VAC14: variants seen among roughly 807,000 people sequenced by gnomAD.
The protein encoded by VAC14 is VAC14 component of PIKFYVE complex.
VAC14 carries 47 observed loss-of-function variants against 85.3 expected under a neutral mutation model. That is an observed-to-expected ratio of 0.55 (90% CI 0.44 to 0.70). VAC14 has a LOEUF of 0.70. VAC14 is among the 30% of genes least tolerant of loss of function. VAC14 has a pLI of 0.00. For synonymous variants in VAC14, 447 were observed against 430.5 expected (o/e 1.04, Z -0.47); for missense variants, 861 against 1,004.3 (o/e 0.86, Z 1.93).
chr16:70,688,042 G>A lies in VAC14; in HGVS notation c.2235C>T (p.Ser745=). Reference sequence around the variant, plus strand: ...GCTGCAGCAGCTCTGCGTAGTCGATGCTAGGGGAGTCAGCTTTCTGGGACT... The same window carrying A: ...GCTGCAGCAGCTCTGCGTAGTCGATACTAGGGGAGTCAGCTTTCTGGGACT... ...APKSQKADSP[S]IDYAELLQHF... is the part of the protein sequence containing the mutation. The change falls in exon 19 of 19, where the codon AGC becomes AGT. Residue 745 remains serine, a synonymous_variant. Coordinates refer to ENST00000261776, the MANE Select transcript of VAC14 (RefSeq NM_018052.5). The A allele has an allele frequency of 1.9e-6, 3 of 1,600,538 alleles. No individual in the cohort carries two copies. Among genetic ancestry groups the A allele is most frequent in the African/African-American group, 2.7e-5 (2 of 74,438 alleles).
rs759726155 is a variant in VAC14 at position 70,762,881 on chromosome 16, C to T, written c.1305G>A (p.Lys435=). Residue 435 remains lysine (K), a splice_region_variant and synonymous_variant, in exon 11 of 19, where the codon AAG becomes AAA. Coordinates refer to ENST00000261776, the MANE Select transcript of VAC14 (RefSeq NM_018052.5). This position sits in a 1 kb window ranked among gnomAD's most constrained non-coding sequence, Gnocchi z 4.1. ...TGGCTTGGAGGGGCCCAGGGCTCACCTTCCGAGGAGTTTTGATGTAGAGGT... is the reference window on the plus strand; with the variant it reads ...TGGCTTGGAGGGGCCCAGGGCTCACTTTCCGAGGAGTTTTGATGTAGAGGT... ...LYHLYIKTPR[K]MFRHTDSLFP... The T allele has an allele frequency of 1.2e-6, 2 of 1,614,192 alleles. No homozygotes were observed. Among genetic ancestry groups the T allele is most frequent in the South Asian group, 1.1e-5 (1 of 91,076 alleles).
intron 12 of VAC14, among the ~76,000 whole-genome samples, chr16:70,748,994 A>T (rs1462153362): frequency 3.9e-5 from 6 of 152,224 alleles, no homozygotes; most frequent in Non-Finnish European, 7.3e-5. Flanking sequence ...TCATGACACA[A>T]AGAAGTCTGA....
chr16:70,745,482 A>AGTGTGTGTGTGTGTGTGT (rs145054065), intron 12 of VAC14, among the ~76,000 whole-genome samples: 15 of 143,868 alleles, frequency 1.0e-4, no homozygotes, highest in East Asian at 2.1e-4. Flanking sequence ...GAGGGGCTTC[A>AGTGTGTGTGTGTGTGTGT]GTGTGTGTGT....
intron 1 of VAC14, among the ~76,000 whole-genome samples, chr16:70,795,873 G>C (rs529869137): frequency 5.6e-4 from 85 of 152,194 alleles, no homozygotes; most frequent in Non-Finnish European, 9.7e-4. Context: ...GAGTGGCGCT[G>C]TCTCTCCCAG....
At chr16:70,795,675 T>G (rs1025052228) in intron 1 of VAC14, among the ~76,000 whole-genome samples, 1 of 152,104 alleles carries the variant, frequency 6.6e-6, no homozygotes, top group African/African-American at 2.4e-5. Context: ...GAGGCGTGAT[T>G]CAGGAGCTCT....
intron 10 of VAC14, among the ~76,000 whole-genome samples, chr16:70,763,400 G>C (rs2032565928): frequency 6.6e-6 from 1 of 152,198 alleles, no homozygotes; most frequent in Non-Finnish European, 1.5e-5. Flanking sequence ...CCCTCTCCCA[G>C]TCACTGAGCT....
intron 12 of VAC14, among the ~76,000 whole-genome samples, chr16:70,752,842 C>T (rs1284396769): frequency 6.6e-6 from 1 of 152,204 alleles, no homozygotes; most frequent in East Asian, 1.9e-4. Flanking sequence ...TTCACTTTCT[C>T]AGAGGACGCT....
At chr16:70,752,050 G>T (rs535897378) in intron 12 of VAC14, among the ~76,000 whole-genome samples, 1 of 152,298 alleles carries the variant, frequency 6.6e-6, no homozygotes, top group South Asian at 2.1e-4. Flanking sequence ...GATAGAAAAC[G>T]TTTTGTCTTA....
intron 14 of VAC14, among the ~76,000 whole-genome samples, chr16:70,730,652 C>T (rs1381368114): frequency 7.1e-6 from 1 of 141,668 alleles, no homozygotes. Flanking sequence ...GGCTGGAGTG[C>T]AGTGGTGTGA....
At chr16:70,728,230 G>A (rs890467379) in intron 14 of VAC14, among the ~76,000 whole-genome samples, 2 of 152,148 alleles carry the variant, frequency 1.3e-5, no homozygotes, top group East Asian at 3.9e-4. Flanking sequence ...AGCCCCTGGA[G>A]GGTGGGAAGG....
chr16:70,790,766 AC>A (rs1340799359), intron 1 of VAC14, among the ~76,000 whole-genome samples: 1 of 151,948 alleles, frequency 6.6e-6, no homozygotes, highest in Non-Finnish European at 1.5e-5. Flanking sequence ...AATTCAGAGC[AC>A]CCCAGGCCAC....
intron 16 of VAC14, 187 bp downstream of exon 16, chr16:70,696,952 C>T (rs558539998): frequency 1.4e-5 from 8 of 551,926 alleles, no homozygotes; most frequent in East Asian, 9.8e-5. Context: ...CTGCCAATCT[C>T]GCTCTCCCAA....
chr16:70,713,364 C>T lies in VAC14; in HGVS notation c.1662-14553G>A, dbSNP rs145845830. Among the ~76,000 whole-genome samples the T allele has an allele frequency of 3.9e-4, 60 of 152,342 alleles. 1 individual carries two copies. The highest frequency in any genetic ancestry group is 3.4e-3 in the Middle Eastern group (1 of 294). The stretch of plus-strand genomic sequence containing the variant: ...ATAGAGCAGGGTCTGAGGATGGAAA[C>T]GCTGACCACAGTTCCGCCCTGAAGA... On this transcript the variant is annotated intron_variant, in intron 14 of 18. Transcript: ENST00000261776.
In VAC14 at chr16:70,762,723, C is replaced by T. The variant is rs1264314860; in HGVS notation, c.1306-118G>A. ...TGGTCTGCACGGACCACTTCCCTCC[C>T]CGACACAATGAGGGCTCCTCGCAGC... On this transcript the variant is annotated intron_variant, in intron 11 of 18. Coordinates refer to ENST00000261776, the MANE Select transcript of VAC14 (RefSeq NM_018052.5). The surrounding 1 kb of genome is among the most constrained non-coding windows in gnomAD (Gnocchi z 4.1). The T allele has an allele frequency of 2.7e-6, 4 of 1,485,826 alleles. No individual in the cohort carries two copies. The South Asian group carries it at 4.8e-5, about 18-fold the overall frequency. The allele number at this position is 1,485,826 out of a possible 1,614,324, so 92.0% of individuals were successfully genotyped here. A position where few individuals can be genotyped will look rare whatever the true frequency, so the allele number is the denominator to read the frequency against.
At chr16:70,710,337 T>G (rs1355566987) in intron 14 of VAC14, among the ~76,000 whole-genome samples, 1 of 152,198 alleles carries the variant, frequency 6.6e-6, no homozygotes, top group African/African-American at 2.4e-5. Context: ...CTTCACCCTG[T>G]GGCATGTGAC....
At position 70,761,014 on chromosome 16, in the gene VAC14, T is replaced by C. The variant is rs1338015080; in HGVS notation, c.1371+1526A>G. ...GTGTGTGTGTGTGTGTGTGTGTGTG[T>C]GTGTGCATGGGGGGGCGGGGGGTAG... On this transcript the variant is annotated intron_variant, in intron 12 of 18. Coordinates refer to ENST00000261776, the MANE Select transcript of VAC14 (RefSeq NM_018052.5). The C allele has an allele frequency of 5.1e-4, 157 of 307,904 alleles. 8 individuals carry two copies. In the African/African-American group the frequency reaches 5.6e-3, roughly 11 times the overall value. 19.1% of individuals were successfully genotyped at this position (307,904 alleles called of 1,614,324 possible). A position where few individuals can be genotyped will look rare whatever the true frequency, so the allele number is the denominator to read the frequency against.
At chr16:70,705,430 C>G (rs1043240142) in intron 14 of VAC14, among the ~76,000 whole-genome samples, 1 of 152,232 alleles carries the variant, frequency 6.6e-6, no homozygotes, top group Non-Finnish European at 1.5e-5. Flanking sequence ...ACCTGGCGCT[C>G]AAGGGCAGGG....
At position 70,800,799 on chromosome 16, in the gene VAC14, C is replaced by T. The variant is rs1294723846; in HGVS notation, c.102G>A (p.Glu34=). Residue 34 remains glutamate, a splice_region_variant and synonymous_variant, in exon 1 of 19, where the codon GAG becomes GAA. Coordinates refer to ENST00000261776, the MANE Select transcript of VAC14 (RefSeq NM_018052.5). ...GGAGGGGTCCTGGCGGCTCTTACTT[C>T]TCGATCTCCAGCGCTGCCACCTTCC... ...EKRKVAALEI[E]KLVREFVAQN... 6.2e-7 allele frequency: 1 copy of T among 1,610,220 alleles called. No homozygotes were observed.
intron 18 of VAC14, 30 bp from the exon 19 acceptor site, chr16:70,688,120 T>A: frequency 6.6e-7 from 1 of 1,510,718 alleles, no homozygotes; most frequent in Non-Finnish European, 8.9e-7. Flanking sequence ...ATGCTCAGTG[T>A]CAGGGATCAG....
Sources: allele counts gnomAD v4.1 joint callset (sites outside exome capture counted in the v4.1 genomes callset), GRCh38; gene constraint gnomAD v4.1.1; non-coding constraint Gnocchi (gnomAD v3.1); transcripts MANE v1.5; gene names NCBI Gene and HGNC (gene_info 2026-07-23, HGNC 2026-07-21).